AHCYL2: variants seen among roughly 807,000 people sequenced by gnomAD.
AHCYL2 encodes the protein adenosylhomocysteinase like 2.
Under a neutral mutation model 81.4 loss-of-function variants are expected in AHCYL2, and 28 were observed. The ratio of observed to expected loss-of-function variants is 0.34; its 90% CI spans 0.25 to 0.47. The LOEUF is 0.47. Among genes scored for constraint, AHCYL2 ranks in the 20% least tolerant of loss-of-function variants. The probability of loss-of-function intolerance (pLI) is 1.00; values close to 1 mark genes in which losing one functional copy is unlikely to be tolerated. For synonymous variants in AHCYL2, 272 were observed against 290.2 expected (o/e 0.94, Z 0.64); for missense variants, 551 against 785.1 (o/e 0.70, Z 3.56).
rs555891023 is a variant in AHCYL2, at chr7:129,322,857, A to G, written c.364-56781A>G. On this transcript the variant is annotated intron_variant, in intron 1 of 16. Transcript: ENST00000325006. ...GTGATCCACCTGCTTCAGCCTCCCA[A>G]AATGCTGGGATTACAGGTGTGAGCC... 2.0e-5 allele frequency among the ~76,000 whole-genome samples: 3 copies of G among 152,348 alleles called. No individual in the cohort carries two copies. The South Asian group carries it at 6.2e-4, about 32-fold the overall frequency.
intron 1 of AHCYL2, among the ~76,000 whole-genome samples, chr7:129,307,755 C>A (rs1332833509): frequency 2.0e-5 from 3 of 151,758 alleles, no homozygotes; most frequent in African/African-American, 7.3e-5. Context: ...TTACCTAAGA[C>A]CCATGGCAGG....
At chr7:129,279,997 G>C (rs780798370) in intron 1 of AHCYL2, among the ~76,000 whole-genome samples, 1 of 152,018 alleles carries the variant, frequency 6.6e-6, no homozygotes, top group South Asian at 2.1e-4. Flanking sequence ...CTCATCCTGT[G>C]ACTAAGAATG....
chr7:129,399,085 T>A (rs564370819), intron 5 of AHCYL2, among the ~76,000 whole-genome samples: 1 of 130,204 alleles, frequency 7.7e-6, no homozygotes, highest in East Asian at 2.3e-4. Flanking sequence ...GAGGCTGCAG[T>A]GAGCCGAGAT....
At chr7:129,251,583 T>G (rs777273422) in intron 1 of AHCYL2, among the ~76,000 whole-genome samples, 39 of 152,166 alleles carry the variant, frequency 2.6e-4, no homozygotes, top group Non-Finnish European at 3.4e-4. Context: ...ACATCTCGCC[T>G]CCTTTACAGT....
chr7:129,225,591 G>GC (rs1794182701), intron 1 of AHCYL2, 152 bp downstream of exon 1: 4 of 1,339,290 alleles, frequency 3.0e-6, no homozygotes, highest in East Asian at 3.1e-5. Context: ...TCTCAGAGAT[G>GC]CCCCCCAGCC....
At chr7:129,225,561 T>G in intron 1 of AHCYL2, 122 bp downstream of exon 1, 7 of 1,375,148 alleles carry the variant, frequency 5.1e-6, no homozygotes, top group Non-Finnish European at 5.6e-6. Context: ...GAGATACCCC[T>G]TGTCCCCTTA....
chr7:129,239,172 A>G (rs1042428685), intron 1 of AHCYL2, among the ~76,000 whole-genome samples: 1 of 151,744 alleles, frequency 6.6e-6, no homozygotes, highest in Non-Finnish European at 1.5e-5. Context: ...TATTCTGGAA[A>G]ATCTATATGG....
intron 1 of AHCYL2, among the ~76,000 whole-genome samples, chr7:129,369,217 T>TTAATG: frequency 6.6e-6 from 1 of 152,130 alleles, no homozygotes; most frequent in East Asian, 1.9e-4. Context: ...ATTTCAACTT[T>TTAATG]TAAAGACAAT....
chr7:129,266,958 T>TG (rs1332840115), intron 1 of AHCYL2, among the ~76,000 whole-genome samples: 4 of 152,188 alleles, frequency 2.6e-5, no homozygotes, highest in Non-Finnish European at 5.9e-5. Context: ...GATAAATTTT[T>TG]TTTTTTTGCC....
intron 1 of AHCYL2, among the ~76,000 whole-genome samples, chr7:129,299,392 T>G (rs1319620111): frequency 6.7e-5 from 6 of 88,896 alleles, no homozygotes; most frequent in South Asian, 3.9e-4. Flanking sequence ...TTTTTTTTTT[T>G]TTTTTTTTTT....
At chr7:129,300,070 A>G (rs1162532064) in intron 1 of AHCYL2, among the ~76,000 whole-genome samples, 2 of 152,202 alleles carry the variant, frequency 1.3e-5, no homozygotes, top group African/African-American at 4.8e-5. Context: ...TATTTGATAC[A>G]GGCATATGTT....
intron 13 of AHCYL2, among the ~76,000 whole-genome samples, chr7:129,423,964 C>T (rs1362056778): frequency 1.3e-5 from 2 of 151,954 alleles, no homozygotes. Flanking sequence ...TTCTAGCTGC[C>T]CTAGGAGGTC....
At chr7:129,376,477 A>G (rs1006939391) in intron 1 of AHCYL2, among the ~76,000 whole-genome samples, 3 of 152,228 alleles carry the variant, frequency 2.0e-5, no homozygotes, top group East Asian at 1.9e-4. Flanking sequence ...GCCTTGTACA[A>G]CCTAGTCTTC....
intron 1 of AHCYL2, among the ~76,000 whole-genome samples, chr7:129,349,882 AAT>A (rs1793496582): frequency 6.6e-6 from 1 of 152,184 alleles, no homozygotes; most frequent in African/African-American, 2.4e-5. Context: ...GTTCTACACT[AAT>A]AAAAAATGCC....
chr7:129,399,883 C>A (rs764428505), intron 5 of AHCYL2, among the ~76,000 whole-genome samples: 5 of 152,038 alleles, frequency 3.3e-5, no homozygotes, highest in Non-Finnish European at 7.4e-5. Context: ...TGCACCACCA[C>A]GCCCAACTAA....
At chr7:129,329,909 A>C (rs1365797505) in intron 1 of AHCYL2, among the ~76,000 whole-genome samples, 8 of 152,252 alleles carry the variant, frequency 5.3e-5, no homozygotes, top group Non-Finnish European at 1.0e-4. Context: ...GTTCTGAATA[A>C]GTATAAATAT....
intron 1 of AHCYL2, among the ~76,000 whole-genome samples, chr7:129,326,593 T>G (rs1019016059): frequency 4.6e-5 from 7 of 152,004 alleles, no homozygotes; most frequent in African/African-American, 1.7e-4. Flanking sequence ...AGGGGAACAT[T>G]CAACTACTTG....
intron 1 of AHCYL2, among the ~76,000 whole-genome samples, chr7:129,373,848 A>G (rs756874983): frequency 1.3e-5 from 2 of 152,246 alleles, no homozygotes; most frequent in Non-Finnish European, 2.9e-5. Context: ...AGATTCATCA[A>G]GCAAGCAAAT....
chr7:129,321,743 G>GTTTTTTTTTTTTTTTTTTTTTCTTTTT, intron 1 of AHCYL2, among the ~76,000 whole-genome samples: 1 of 77,624 alleles, frequency 1.3e-5, no homozygotes, highest in African/African-American at 4.6e-5. Flanking sequence ...TTCTTTCTTT[G>GTTTTTTTTTTTTTTTTTTTTTCTTTTT]TTTTTTTTTT....
Sources: allele counts gnomAD v4.1 joint callset (sites outside exome capture counted in the v4.1 genomes callset), GRCh38; gene constraint gnomAD v4.1.1; transcripts MANE v1.5; gene names NCBI Gene and HGNC (gene_info 2026-07-23, HGNC 2026-07-21).